MESP1: variants seen among roughly 807,000 people sequenced by gnomAD.
MESP1 encodes mesoderm posterior protein 1.
In MESP1, 22 loss-of-function variants were observed where a neutral mutation model predicts 15.2. The ratio of observed to expected loss-of-function variants is 1.45; its 90% CI spans 1.04 to 2.07. The LOEUF (loss-of-function observed/expected upper bound fraction) is 2.07, where lower values mean the gene tolerates loss of function less well. MESP1 is among the 30% of genes most tolerant of loss of function. The pLI, the probability that MESP1 is intolerant of heterozygous loss-of-function variation, is 0.00. For missense variants in MESP1, 484 were observed against 411.9 expected, an observed-to-expected ratio of 1.17 and a Z score of -1.51; for synonymous variants, 216 against 192.6, an observed-to-expected ratio of 1.12 and a Z score of -1.01.
At chr15:89,734,011 G>A in the MESP1 span, among the ~76,000 whole-genome samples, 1 of 151,516 alleles carries the variant, frequency 6.6e-6, no homozygotes, top group South Asian at 2.1e-4. Context: ...GTGTGTGTGT[G>A]TGCGCGCGCG....
Position 89,750,916 on chromosome 15 carries a change from G to T in MESP1, c.316C>A (p.Arg106Ser), listed in dbSNP as rs778445454. The T allele has an allele frequency of 4.1e-6, 6 of 1,480,920 alleles. No individual in the cohort carries two copies. In the South Asian group the frequency reaches 6.4e-5, roughly 16 times the overall value. The allele number at this position is 1,480,920 out of a possible 1,614,324, so 91.7% of individuals were successfully genotyped here. Reference sequence around the variant, plus strand: ...GCCACGGACGGCGGTAGAAAGCGGCGCAGCTCGTGCAGGGCGCGGGCCAGC... The same window carrying T: ...GCCACGGACGGCGGTAGAAAGCGGCTCAGCTCGTGCAGGGCGCGGGCCAGC... ...RTLARALHEL[R>S]RFLPPSVAPA... is the part of the protein sequence containing the mutation. Residue 106 changes from arginine to serine, a missense_variant, in exon 1 of 2, where the codon CGC becomes AGC. By Grantham distance (110) the Arg-to-Ser change is moderately radical. Transcript: ENST00000300057.
At chr15:89,743,975 C>T in the MESP1 span, among the ~76,000 whole-genome samples, 3 of 152,202 alleles carry the variant, frequency 2.0e-5, no homozygotes, top group African/African-American at 7.2e-5. Context: ...CCCTGGCCTG[C>T]TGGCTCAGGA....
chr15:89,750,238 A>G lies in MESP1; in HGVS notation c.724-11T>C, dbSNP rs760156295. The G allele has an allele frequency of 6.2e-7, 1 of 1,613,384 alleles. No homozygotes were observed. Among genetic ancestry groups the G allele is most frequent in the Non-Finnish European group, 8.5e-7 (1 of 1,179,798 alleles). Reference sequence around the variant, plus strand: ...GTCGCCCGGAAGGAGCTGTAGGGAGAGACGGAACAGCGCAGCCCTCAAGCA... The same window carrying G: ...GTCGCCCGGAAGGAGCTGTAGGGAGGGACGGAACAGCGCAGCCCTCAAGCA... On this transcript the variant is annotated splice_polypyrimidine_tract_variant and intron_variant, in intron 1 of 1. Transcript: ENST00000300057.
the MESP1 span, chr15:89,737,803 C>T: frequency 3.2e-6 from 5 of 1,572,554 alleles, no homozygotes; most frequent in Non-Finnish European, 4.3e-6. Context: ...AGAGAGAGCC[C>T]CTCCGATCTC....
the MESP1 span, chr15:89,735,372 G>C: frequency 4.0e-6 from 4 of 1,003,470 alleles, no homozygotes; most frequent in African/African-American, 6.4e-5. Context: ...ACTATGAACA[G>C]CCTCCTCACA....
chr15:89,742,536 CT>C, the MESP1 span, among the ~76,000 whole-genome samples: 40 of 151,452 alleles, frequency 2.6e-4, no homozygotes, highest in African/African-American at 9.7e-4. Context: ...ACAACTCTTA[CT>C]TTTTTTTTCT....
At chr15:89,747,252 C>T (rs186457980), downstream of MESP1, among the ~76,000 whole-genome samples, 213 of 152,306 alleles carry the variant, frequency 1.4e-3, 1 homozygote, top group African/African-American at 4.8e-3. Context: ...GAAAGTTCCT[C>T]GAGTTCCCTG....
the MESP1 span, chr15:89,743,700 C>A: frequency 3.0e-6 from 1 of 329,130 alleles, no homozygotes. Context: ...CAGCAGGGCC[C>A]AGATGATGGT....
the MESP1 span, among the ~76,000 whole-genome samples, chr15:89,741,003 G>A: frequency 1.1e-4 from 16 of 152,100 alleles, no homozygotes; most frequent in Admixed American, 6.5e-4. Context: ...AACCGGGCAC[G>A]GTGGCAGGTG....
Position 89,751,056 on chromosome 15 carries a change from C to G in MESP1, c.176G>C (p.Gly59Ala), listed in dbSNP as rs1466813042. Residue 59 changes from glycine (G) to alanine (A), a missense_variant, in exon 1 of 2, where the codon GGC becomes GCC. Coordinates refer to ENST00000300057, the MANE Select transcript of MESP1 (RefSeq NM_018670.4). Reference protein sequence around the residue: ...DSPVASPARPGTLRDPRAPSV... With the variant: ...DSPVASPARPATLRDPRAPSV... ...GGGGGCGCGGGGGTCCCGGAGGGTG[C>G]CTGGCCGCGCGGGGCTCGCCACGGG... 31 of 1,280,230 alleles carry G rather than the reference C, an allele frequency of 2.4e-5. No homozygotes were observed. Among genetic ancestry groups the G allele is most frequent in the Non-Finnish European group, 3.0e-5 (31 of 1,020,276 alleles). The allele number at this position is 1,280,230 out of a possible 1,614,324, so 79.3% of individuals were successfully genotyped here.
the MESP1 span, among the ~76,000 whole-genome samples, chr15:89,742,624 C>T: frequency 6.6e-6 from 1 of 152,138 alleles, no homozygotes; most frequent in African/African-American, 2.4e-5. Context: ...ACCTCCATCT[C>T]CCAGATTCAA....
At chr15:89,745,933 C>A (rs1012168709), downstream of MESP1, among the ~76,000 whole-genome samples, 1 of 145,286 alleles carries the variant, frequency 6.9e-6, no homozygotes, top group African/African-American at 2.5e-5. This position sits in a 1 kb window ranked among gnomAD's most constrained non-coding sequence, Gnocchi z 4.8. Context: ...CTCCTCCCAA[C>A]AGGATCCACA....
Position 89,750,563 on chromosome 15 carries a change from G to C in MESP1, c.669C>G (p.Phe223Leu), listed in dbSNP as rs2305440. ...GCCCTTCAGGGCACGCCGCCTCGGC[G>C]AACAGCGCAGGCGGGTCGCGCGGCT... ...APEPRDPPAL[F>L]AEAACPEGQA... is the part of the protein sequence containing the mutation. Residue 223 changes from phenylalanine (F) to leucine (L), a missense_variant, in exon 1 of 2, where the codon TTC becomes TTG. Coordinates refer to ENST00000300057, the MANE Select transcript of MESP1 (RefSeq NM_018670.4). 421,958 of 1,465,286 alleles carry C rather than the reference G, an allele frequency of 0.29. 62,707 individuals carry two copies. The highest frequency in any genetic ancestry group is 0.4 in the Middle Eastern group (1,959 of 4,842). 90.8% of individuals were successfully genotyped at this position (1,465,286 alleles called of 1,614,324 possible).
At chr15:89,734,150 C>T in the MESP1 span, among the ~76,000 whole-genome samples, 5 of 152,142 alleles carry the variant, frequency 3.3e-5, no homozygotes, top group East Asian at 3.9e-4. Context: ...CTTCTTGCTC[C>T]GCCCCAAACA....
chr15:89,738,045 C>T, the MESP1 span: 2 of 1,608,774 alleles, frequency 1.2e-6, no homozygotes. Flanking sequence ...TCACAGGAGA[C>T]TATTCACATG....
Position 89,751,113 on chromosome 15 carries a change from G to A in MESP1, c.119C>T (p.Pro40Leu). Residue 40 changes from proline (P) to leucine (L), a missense_variant, in exon 1 of 2, where the codon CCA becomes CTA. Transcript: ENST00000300057. ...KDCGRSLVSS[P>L]DSWGSTPADS... is the part of the protein sequence containing the mutation. Reference sequence around the variant, plus strand: ...GGCTGGGGTGCTGCCCCATGAGTCTGGGGACGAGACGAGGGAGCGGCCGCA... The same window carrying A: ...GGCTGGGGTGCTGCCCCATGAGTCTAGGGACGAGACGAGGGAGCGGCCGCA... The A allele has an allele frequency of 3.1e-6, 4 of 1,292,242 alleles. No individual in the cohort carries two copies. The highest frequency in any genetic ancestry group is 3.7e-5 in the Admixed American group (1 of 27,354). The allele number at this position is 1,292,242 out of a possible 1,614,324, so 80.0% of individuals were successfully genotyped here.
chr15:89,741,621 C>G, the MESP1 span, among the ~76,000 whole-genome samples: 2 of 152,170 alleles, frequency 1.3e-5, no homozygotes, highest in East Asian at 1.9e-4. Flanking sequence ...TACCTTCAGC[C>G]CTTTCCTTTA....
downstream of MESP1, among the ~76,000 whole-genome samples, chr15:89,745,348 G>A (rs924707743): frequency 1.1e-4 from 17 of 152,196 alleles, no homozygotes; most frequent in African/African-American, 3.6e-4. The surrounding 1 kb of genome is among the most constrained non-coding windows in gnomAD (Gnocchi z 4.8). Flanking sequence ...CTCCCCAGCT[G>A]GTAGGCTGCG....
At chr15:89,735,942 C>T in the MESP1 span, among the ~76,000 whole-genome samples, 1 of 152,174 alleles carries the variant, frequency 6.6e-6, no homozygotes, top group East Asian at 1.9e-4. Flanking sequence ...GGCAAGAGAG[C>T]ACCACGTGTC....
Sources: gnomAD v4.1 joint callset for allele counts (sites outside exome capture counted in the v4.1 genomes callset) on GRCh38, gnomAD v4.1.1 for gene constraint, Gnocchi (gnomAD v3.1) non-coding constraint, MANE v1.5 for transcripts, NCBI Gene and HGNC (gene_info 2026-07-23, HGNC 2026-07-21) for gene names.